Variants in FSTL5 observed in about 807,000 individuals in gnomAD.
The protein encoded by FSTL5 is follistatin-related protein 5.
A neutral mutation model predicts 89.1 loss-of-function variants in FSTL5; 62 were observed. The observed-to-expected ratio is 0.70, with a 90% CI of 0.57 to 0.86. The LOEUF (loss-of-function observed/expected upper bound fraction) is 0.86. Ranked by LOEUF, FSTL5 falls within the 40% of genes least tolerant of loss-of-function variation. The pLI, the probability that FSTL5 is intolerant of heterozygous loss-of-function variation, is 0.00. For missense variants in FSTL5, 1,057 were observed against 1,001.6 expected (o/e 1.06, Z -0.75); for synonymous variants, 383 against 346.2 (o/e 1.11, Z -1.18).
intron 1 of FSTL5, among the ~76,000 whole-genome samples, chr4:162,122,611 A>G (rs1163114167): frequency 1.3e-5 from 2 of 152,114 alleles, no homozygotes; most frequent in Non-Finnish European, 2.9e-5. Context: ...TATCTTCAAT[A>G]AAAATTTAAG....
chr4:161,417,848 C>A (rs1731841438), intron 15 of FSTL5, among the ~76,000 whole-genome samples: 1 of 152,142 alleles, frequency 6.6e-6, no homozygotes, highest in African/African-American at 2.4e-5. Flanking sequence ...GCACCATGTA[C>A]TTGGTGTTAG....
chr4:161,540,909 C>T (rs1731796002), intron 9 of FSTL5, among the ~76,000 whole-genome samples: 1 of 152,054 alleles, frequency 6.6e-6, no homozygotes, highest in Non-Finnish European at 1.5e-5. Context: ...TTAACTTTCT[C>T]TTCTTCCATA....
intron 2 of FSTL5, chr4:162,041,891 CT>C (rs1473457222): frequency 3.8e-4 from 58 of 152,050 alleles, no homozygotes; most frequent in African/African-American, 1.4e-3. Context: ...TGGCTCATGC[CT>C]GTAATCCCAG....
At chr4:161,479,501 C>G (rs1332029907) in intron 13 of FSTL5, among the ~76,000 whole-genome samples, 1 of 152,064 alleles carries the variant, frequency 6.6e-6, no homozygotes, top group Non-Finnish European at 1.5e-5. Flanking sequence ...TTTTAATCCA[C>G]CAGCAAGGAG....
intron 12 of FSTL5, among the ~76,000 whole-genome samples, chr4:161,497,418 A>G (rs1730122234): frequency 6.6e-6 from 1 of 151,978 alleles, no homozygotes; most frequent in Admixed American, 6.6e-5. Flanking sequence ...TATTATTCTT[A>G]GTTCTTTACA....
intron 8 of FSTL5, among the ~76,000 whole-genome samples, chr4:161,581,257 A>T (rs971641265): frequency 4.6e-5 from 7 of 152,174 alleles, no homozygotes; most frequent in African/African-American, 1.7e-4. Flanking sequence ...AGACCTGAGA[A>T]TTTGCCTTTA....
intron 15 of FSTL5, chr4:161,387,918 C>T (rs915744933): frequency 1.3e-5 from 2 of 151,922 alleles, no homozygotes; most frequent in East Asian, 3.9e-4. Flanking sequence ...TATAGCTACT[C>T]CTTTATAAAA....
At chr4:161,962,505 T>C (rs1735210203) in intron 3 of FSTL5, among the ~76,000 whole-genome samples, 1 of 150,792 alleles carries the variant, frequency 6.6e-6, no homozygotes, top group Admixed American at 6.7e-5. Flanking sequence ...CCTCAGAGTA[T>C]TTTTTTTTGT....
intron 3 of FSTL5, among the ~76,000 whole-genome samples, chr4:161,979,769 C>T (rs543379969): frequency 1.1e-4 from 16 of 152,162 alleles, no homozygotes; most frequent in African/African-American, 3.6e-4. Context: ...CTGCCCAAAC[C>T]TGGAATCAAC....
intron 15 of FSTL5, among the ~76,000 whole-genome samples, chr4:161,449,724 C>T (rs1733090316): frequency 6.6e-6 from 1 of 151,992 alleles, no homozygotes; most frequent in South Asian, 2.1e-4. Flanking sequence ...GCAGGTTATA[C>T]ATAATACATC....
chr4:162,010,017 T>C (rs1736715873), intron 3 of FSTL5, among the ~76,000 whole-genome samples: 1 of 152,006 alleles, frequency 6.6e-6, no homozygotes, highest in Non-Finnish European at 1.5e-5. Context: ...TTTACAGAAT[T>C]TCCTTATCCC....
intron 3 of FSTL5, among the ~76,000 whole-genome samples, chr4:161,978,493 G>A (rs1578912506): frequency 6.6e-6 from 1 of 151,808 alleles, no homozygotes; most frequent in African/African-American, 2.4e-5. Context: ...ATTTTACAAC[G>A]TAAGAATAGT....
rs371379603 is a variant in FSTL5, at chr4:161,460,348, C to CTAAGTACTTATCCATAATGCA, written c.1609-1030_1609-1029insTGCATTATGGATAAGTACTTA. Among the ~76,000 whole-genome samples, 61 of 138,694 alleles carry CTAAGTACTTATCCATAATGCA rather than the reference C, an allele frequency of 4.4e-4. 2 individuals carry two copies. The Middle Eastern group carries it at 0.012, about 27-fold the overall frequency. 91.0% of individuals were successfully genotyped at this position (138,694 alleles called of 152,430 possible). The stretch of plus-strand genomic sequence containing the variant: ...TGGTGTGCTGCACCCGTTAACTTGT[C>CTAAGTACTTATCCATAATGCA]ATTTACATTAGGTGTATCTCCTAAT... On this transcript the variant is annotated intron_variant, in intron 13 of 15. Transcript: ENST00000306100.
intron 4 of FSTL5, among the ~76,000 whole-genome samples, chr4:161,780,402 T>C (rs527915456): frequency 2.6e-5 from 4 of 152,126 alleles, no homozygotes; most frequent in African/African-American, 9.7e-5. Context: ...CAGAGTGAGA[T>C]TGGCATAGCT....
chr4:161,699,087 C>T (rs959163258), intron 6 of FSTL5, among the ~76,000 whole-genome samples: 1 of 152,114 alleles, frequency 6.6e-6, no homozygotes, highest in Non-Finnish European at 1.5e-5. Flanking sequence ...CCTGGGCCTG[C>T]AATTAGCTAG....
At chr4:162,118,503 C>T (rs1309779546) in intron 1 of FSTL5, among the ~76,000 whole-genome samples, 3 of 152,064 alleles carry the variant, frequency 2.0e-5, no homozygotes, top group Non-Finnish European at 4.4e-5. Context: ...CCTCGTGATC[C>T]GCCCCGCTCG....
chr4:161,894,740 C>A (rs188879372), intron 4 of FSTL5, among the ~76,000 whole-genome samples: 120 of 152,282 alleles, frequency 7.9e-4, no homozygotes, highest in Non-Finnish European at 1.5e-3. Context: ...GCTGGGATTA[C>A]AGGCATGAGC....
At chr4:162,015,567 T>G (rs73861012) in intron 3 of FSTL5, among the ~76,000 whole-genome samples, 57,433 of 152,066 alleles carry the variant, frequency 0.38, 11,125 homozygotes, top group Middle Eastern at 0.54. Flanking sequence ...TAATGGGATA[T>G]GGGGGGTGAT....
At chr4:161,862,634 A>C (rs1051263348) in intron 4 of FSTL5, among the ~76,000 whole-genome samples, 2 of 152,154 alleles carry the variant, frequency 1.3e-5, no homozygotes, top group Non-Finnish European at 2.9e-5. Flanking sequence ...CGTGAGGCTG[A>C]GGCAGGAGAA....
Sources: allele counts gnomAD v4.1 joint callset (sites outside exome capture counted in the v4.1 genomes callset), GRCh38; gene constraint gnomAD v4.1.1; transcripts MANE v1.5; gene names NCBI Gene and HGNC (gene_info 2026-07-23, HGNC 2026-07-21).